Variants in WWOX observed in about 807,000 individuals in gnomAD.
The protein encoded by WWOX is WW domain-containing oxidoreductase.
Under a neutral mutation model 46.2 loss-of-function variants are expected in WWOX, and 69 were observed. The observed-to-expected ratio is 1.49, with a 90% CI of 1.23 to 1.82. The LOEUF (loss-of-function observed/expected upper bound fraction) is 1.82. WWOX is among the 40% of genes most tolerant of loss of function. The pLI is 0.00. For synonymous variants in WWOX, 359 were observed against 202.6 expected (o/e 1.77, Z -6.56); for missense variants, 919 against 542.6 (o/e 1.69, Z -6.89).
chr16:78,293,999 A>C lies in WWOX; in HGVS notation c.517-92861A>C, dbSNP rs971084367. On this transcript the variant is annotated intron_variant, in intron 5 of 8. Coordinates refer to ENST00000566780, the MANE Select transcript of WWOX (RefSeq NM_016373.4). ...CTCAGAAAAAAAAAAAAAAAAAAAAAAAAAAAAAAAAGGCTTTCCTGAAAG... is the reference window on the plus strand; with the variant it reads ...CTCAGAAAAAAAAAAAAAAAAAAAACAAAAAAAAAAAGGCTTTCCTGAAAG... 3.4e-4 allele frequency among the ~76,000 whole-genome samples: 52 copies of C among 150,752 alleles called. 1 individual carries two copies. The highest frequency in any genetic ancestry group is 1.2e-3 in the African/African-American group (50 of 41,248).
At chr16:78,488,225 C>T (rs756783443) in intron 8 of WWOX, among the ~76,000 whole-genome samples, 8 of 152,202 alleles carry the variant, frequency 5.3e-5, no homozygotes, top group East Asian at 3.9e-4. Context: ...TATCCTGGTA[C>T]GCTGGAAGTT....
rs141627717 is a variant in WWOX at position 78,373,310 on chromosome 16, C to T, written c.517-13550C>T. Among the ~76,000 whole-genome samples the T allele has an allele frequency of 3.7e-3, 571 of 152,290 alleles. 2 individuals are homozygous for T. The highest frequency in any genetic ancestry group is 0.013 in the African/African-American group (547 of 41,558). On this transcript the variant is annotated intron_variant, in intron 5 of 8. Transcript: ENST00000566780. ...GTCTCTGATTGACAGTTGGCTTTGT[C>T]TATTTGGTGAGTAGGATATCCAAGC...
At chr16:78,968,037 A>G (rs1346311266) in intron 8 of WWOX, among the ~76,000 whole-genome samples, 2 of 152,140 alleles carry the variant, frequency 1.3e-5, no homozygotes, top group Non-Finnish European at 2.9e-5. Context: ...TCCTTGTGGC[A>G]CAGTGCATGG....
chr16:78,551,813 T>C (rs2044180878), intron 8 of WWOX: 1 of 152,224 alleles, frequency 6.6e-6, no homozygotes, highest in Non-Finnish European at 1.5e-5. Context: ...CTCTTCATTT[T>C]ACGCTCGAGA....
chr16:78,968,850 A>T (rs947269774), intron 8 of WWOX, among the ~76,000 whole-genome samples: 4 of 152,132 alleles, frequency 2.6e-5, no homozygotes, highest in Admixed American at 6.5e-5. Flanking sequence ...AAAGTGCAGT[A>T]TTACCATAAG....
intron 8 of WWOX, among the ~76,000 whole-genome samples, chr16:78,633,005 G>T (rs1442031372): frequency 6.6e-6 from 1 of 152,150 alleles, no homozygotes; most frequent in Admixed American, 6.5e-5. Context: ...GCTCATGCCT[G>T]TAATCCTAGC....
At chr16:78,822,962 A>G (rs2151146258) in intron 8 of WWOX, among the ~76,000 whole-genome samples, 1 of 152,332 alleles carries the variant, frequency 6.6e-6, no homozygotes, top group East Asian at 1.9e-4. Context: ...AACAGAGAAA[A>G]GAGGCTTCGT....
At chr16:78,907,717 G>A (rs2045002725) in intron 8 of WWOX, among the ~76,000 whole-genome samples, 1 of 152,212 alleles carries the variant, frequency 6.6e-6, no homozygotes, top group South Asian at 2.1e-4. Context: ...TAAGTTACTA[G>A]AGGGAGTATT....
intron 8 of WWOX, among the ~76,000 whole-genome samples, chr16:78,584,314 A>G (rs984789257): frequency 2.0e-5 from 3 of 152,198 alleles, no homozygotes; most frequent in East Asian, 1.9e-4. Context: ...AAGATGGTCA[A>G]ATTGGCCAAG....
intron 8 of WWOX, among the ~76,000 whole-genome samples, chr16:79,169,538 C>G (rs2050660137): frequency 6.6e-6 from 1 of 152,180 alleles, no homozygotes. Context: ...CTTTTAAAGC[C>G]AGGGTAAAGT....
At chr16:78,589,120 C>G (rs1345950935) in intron 8 of WWOX, among the ~76,000 whole-genome samples, 1 of 152,198 alleles carries the variant, frequency 6.6e-6, no homozygotes, top group East Asian at 1.9e-4. Context: ...TATTTTAGCT[C>G]TCAAGTTTTG....
rs116579854 is a variant in WWOX at position 78,625,351 on chromosome 16, T to C, written c.1056+192599T>C. On this transcript the variant is annotated intron_variant, in intron 8 of 8. Transcript: ENST00000566780. ...CCATCCAAGGCCAGCGTGTTCCATT[T>C]GAGGGTAACTGGATCCCTGAAATTC... Among the ~76,000 whole-genome samples, 131 of 152,278 alleles carry C rather than the reference T, an allele frequency of 8.6e-4. 3 individuals carry two copies. The highest frequency in any genetic ancestry group is 3.1e-3 in the African/African-American group (127 of 41,554).
chr16:79,177,963 A>T (rs1401194512), intron 8 of WWOX, among the ~76,000 whole-genome samples: 6 of 152,166 alleles, frequency 3.9e-5, no homozygotes, highest in Non-Finnish European at 2.9e-5. Flanking sequence ...GCTTCTGTTG[A>T]GGGCTCGTTC....
chr16:78,993,751 C>G (rs1236047408), intron 8 of WWOX, among the ~76,000 whole-genome samples: 1 of 152,186 alleles, frequency 6.6e-6, no homozygotes, highest in Non-Finnish European at 1.5e-5. Flanking sequence ...ATATAACACA[C>G]TCGCCAGACT....
chr16:79,129,219 T>G (rs2049824772), intron 8 of WWOX, among the ~76,000 whole-genome samples: 2 of 151,618 alleles, frequency 1.3e-5, no homozygotes, highest in Admixed American at 6.6e-5. Flanking sequence ...GGAGAGACCA[T>G]CAGGGCCTAG....
intron 7 of WWOX, among the ~76,000 whole-genome samples, chr16:78,430,747 A>G (rs2083198186): frequency 3.3e-5 from 5 of 152,166 alleles, no homozygotes; most frequent in Admixed American, 3.3e-4. Context: ...GTTTCTGGCC[A>G]TCAGCTTTGT....
intron 8 of WWOX, among the ~76,000 whole-genome samples, chr16:79,165,127 G>A (rs538191519): frequency 6.8e-6 from 1 of 147,338 alleles, no homozygotes; most frequent in Non-Finnish European, 1.5e-5. Flanking sequence ...TGATATGGAA[G>A]GTCTTCACAG....
chr16:78,976,643 A>G (rs1011385938), intron 8 of WWOX, among the ~76,000 whole-genome samples: 2 of 152,214 alleles, frequency 1.3e-5, no homozygotes, highest in African/African-American at 4.8e-5. Flanking sequence ...AGATAAGACC[A>G]TCTCTTGGAT....
intron 4 of WWOX, among the ~76,000 whole-genome samples, chr16:78,117,024 T>C (rs1363892647): frequency 2.0e-5 from 3 of 152,154 alleles, no homozygotes; most frequent in Non-Finnish European, 2.9e-5. Flanking sequence ...AAGGGTGATA[T>C]CTAGTTAGAT....
Sources: allele counts gnomAD v4.1 joint callset (sites outside exome capture counted in the v4.1 genomes callset), GRCh38; gene constraint gnomAD v4.1.1; transcripts MANE v1.5; gene names NCBI Gene and HGNC (gene_info 2026-07-23, HGNC 2026-07-21).